Variants in EYS observed in about 807,000 individuals in gnomAD.
EYS encodes the protein protein eyes shut homolog.
EYS carries 250 observed loss-of-function variants against 282.1 expected under a neutral mutation model. The ratio of observed to expected loss-of-function variants is 0.89; its 90% CI spans 0.80 to 0.98. EYS has a LOEUF of 0.98. Among genes scored for constraint, EYS ranks in the 50% least tolerant of loss-of-function variants. The pLI, the probability that EYS is intolerant of heterozygous loss-of-function variation, is 0.00. For missense variants in EYS, 4,016 were observed against 3,709.0 expected (o/e 1.08, Z -2.15); for synonymous variants, 1,355 against 1,282.9 (o/e 1.06, Z -1.20).
intron 19 of EYS, among the ~76,000 whole-genome samples, chr6:64,866,559 G>T (rs182727511): frequency 4.0e-5 from 6 of 151,836 alleles, no homozygotes; most frequent in Admixed American, 2.0e-4. Flanking sequence ...CATTAAATGT[G>T]CTCAAAAGGC....
intron 2 of EYS, among the ~76,000 whole-genome samples, chr6:65,502,272 A>G (rs1376316815): frequency 6.6e-6 from 1 of 151,794 alleles, no homozygotes; most frequent in East Asian, 1.9e-4. Context: ...GTGATCCAAT[A>G]ATCATACTCA....
At chr6:65,650,724 C>T (rs1767622701) in intron 1 of EYS, among the ~76,000 whole-genome samples, 2 of 152,114 alleles carry the variant, frequency 1.3e-5, no homozygotes, top group African/African-American at 2.4e-5. Flanking sequence ...CACAGCAGTC[C>T]AGACTGAGGG....
At chr6:64,636,189 A>C (rs1014295256) in intron 22 of EYS, among the ~76,000 whole-genome samples, 15 of 152,204 alleles carry the variant, frequency 9.9e-5, no homozygotes, top group Non-Finnish European at 2.1e-4. Flanking sequence ...ACTTCAAACT[A>C]TACTACAAGG....
intron 13 of EYS, among the ~76,000 whole-genome samples, chr6:65,038,432 G>A (rs1772833930): frequency 6.6e-6 from 1 of 151,252 alleles, no homozygotes; most frequent in Non-Finnish European, 1.5e-5. Flanking sequence ...CCTTCACTGA[G>A]TAATAGTCCA....
At chr6:64,428,622 G>T (rs1379054023) in intron 28 of EYS, among the ~76,000 whole-genome samples, 1 of 152,036 alleles carries the variant, frequency 6.6e-6, no homozygotes, top group South Asian at 2.1e-4. Context: ...AAGTTGTTGA[G>T]CCTCTAAAGG....
chr6:63,993,913 T>A (rs1462309472), intron 34 of EYS, among the ~76,000 whole-genome samples: 1 of 151,880 alleles, frequency 6.6e-6, no homozygotes, highest in African/African-American at 2.4e-5. Context: ...AGAGCTATAG[T>A]AATCAAAAGT....
At chr6:64,629,903 TA>T (rs1462526415) in intron 22 of EYS, among the ~76,000 whole-genome samples, 1 of 152,208 alleles carries the variant, frequency 6.6e-6, no homozygotes, top group Non-Finnish European at 1.5e-5. Flanking sequence ...TTCCCTGTCT[TA>T]TTGCACTCAG....
At chr6:64,761,490 A>C (rs1199245627) in intron 22 of EYS, among the ~76,000 whole-genome samples, 1 of 152,074 alleles carries the variant, frequency 6.6e-6, no homozygotes, top group Non-Finnish European at 1.5e-5. Flanking sequence ...TATTTTATTT[A>C]TTTATTTTTG....
intron 41 of EYS, among the ~76,000 whole-genome samples, chr6:63,735,106 TGCATCAGTAGCAGGTA>T (rs1228157806): frequency 6.6e-6 from 1 of 152,190 alleles, no homozygotes; most frequent in Non-Finnish European, 1.5e-5. Context: ...ACTCTGCCTG[TGCATCAGTAGCAGGTA>T]GCACGAGGCC....
At chr6:64,314,123 A>G (rs1769837371) in intron 29 of EYS, among the ~76,000 whole-genome samples, 1 of 139,752 alleles carries the variant, frequency 7.2e-6, no homozygotes, top group Non-Finnish European at 1.5e-5. Context: ...CAGGAGACCC[A>G]TTTCATGTGC....
chr6:64,584,724 C>T (rs1410629456), intron 26 of EYS, among the ~76,000 whole-genome samples: 1 of 151,870 alleles, frequency 6.6e-6, no homozygotes, highest in African/African-American at 2.4e-5. Flanking sequence ...AGCATTTTGC[C>T]ATCAATTTAA....
At chr6:64,341,600 C>T (rs1343119704) in intron 29 of EYS, among the ~76,000 whole-genome samples, 1 of 151,708 alleles carries the variant, frequency 6.6e-6, no homozygotes, top group African/African-American at 2.4e-5. Flanking sequence ...GTACTATGCT[C>T]ACTAGCTGGC....
chr6:65,613,788 C>T (rs1429189952), intron 2 of EYS, among the ~76,000 whole-genome samples: 1 of 151,812 alleles, frequency 6.6e-6, no homozygotes, highest in Non-Finnish European at 1.5e-5. Flanking sequence ...AAACACACTA[C>T]CTCGGTCTTC....
chr6:64,341,133 A>C (rs938847947), intron 29 of EYS, among the ~76,000 whole-genome samples: 1 of 151,418 alleles, frequency 6.6e-6, no homozygotes, highest in African/African-American at 2.4e-5. Flanking sequence ...CAACCACCCC[A>C]CCCCAAAGAA....
chr6:64,539,785 A>G (rs1334672595), intron 26 of EYS, among the ~76,000 whole-genome samples: 1 of 152,182 alleles, frequency 6.6e-6, no homozygotes, highest in Non-Finnish European at 1.5e-5. Flanking sequence ...GCTATCTACT[A>G]TACTTTCTTT....
intron 10 of EYS, among the ~76,000 whole-genome samples, chr6:65,337,244 G>T (rs1770022212): frequency 6.6e-6 from 1 of 151,428 alleles, no homozygotes; most frequent in Admixed American, 6.6e-5. Flanking sequence ...GACATGAACA[G>T]ATAATAAAGT....
chr6:63,927,453 C>A (rs1035213198), intron 35 of EYS, among the ~76,000 whole-genome samples: 1 of 152,178 alleles, frequency 6.6e-6, no homozygotes, highest in Non-Finnish European at 1.5e-5. Context: ...CCTAAAAAGT[C>A]ATGATCATAA....
At chr6:64,233,367 A>T (rs1766486901) in intron 30 of EYS, among the ~76,000 whole-genome samples, 1 of 152,214 alleles carries the variant, frequency 6.6e-6, no homozygotes, top group African/African-American at 2.4e-5. Flanking sequence ...TCACAAATTT[A>T]CTTGTTTTAA....
chr6:64,439,169 G>A lies in EYS; in HGVS notation c.5828C>T (p.Thr1943Ile), dbSNP rs1198455715. 1 of 1,437,778 alleles carries A rather than the reference G, an allele frequency of 7.0e-7. No homozygotes were observed. The highest frequency in any genetic ancestry group is 1.5e-5 in the South Asian group (1 of 68,092). 89.1% of individuals were successfully genotyped at this position (1,437,778 alleles called of 1,614,324 possible). Residue 1943 changes from threonine to isoleucine, a missense_variant, in exon 27 of 43, where the codon ACT becomes ATT. Thr to Ile is a moderately conservative substitution (Grantham distance 89). Coordinates refer to ENST00000503581, the MANE Select transcript of EYS (RefSeq NM_001142800.2). Reference sequence around the variant, plus strand: ...ATGAACTGAATAACTTACCTTTAAAGTACCATTTTCAATAAACAATTGAAT... The same window carrying A: ...ATGAACTGAATAACTTACCTTTAAAATACCATTTTCAATAAACAATTGAAT... Reference protein sequence around the residue: ...FFIQLFIENGTLKYHFYCPGE... With the variant: ...FFIQLFIENGILKYHFYCPGE...
Sources: allele counts gnomAD v4.1 joint callset (sites outside exome capture counted in the v4.1 genomes callset), GRCh38; gene constraint gnomAD v4.1.1; transcripts MANE v1.5; gene names NCBI Gene and HGNC (gene_info 2026-07-23, HGNC 2026-07-21).